The following MED23 variants were observed in gnomAD, a reference collection of about 807,000 sequenced individuals.
MED23 encodes mediator of RNA polymerase II transcription subunit 23.
Under a neutral mutation model 163.9 loss-of-function variants are expected in MED23, and 105 were observed. The observed-to-expected ratio is 0.64, with a 90% confidence interval of 0.55 to 0.75. The LOEUF (loss-of-function observed/expected upper bound fraction) is 0.75. Ranked by LOEUF, MED23 falls within the 30% of genes least tolerant of loss-of-function variation. The pLI, the probability that MED23 is intolerant of heterozygous loss-of-function variation, is 0.00. For missense variants in MED23, 1,054 were observed against 1,649.0 expected (o/e 0.64, Z 6.25); for synonymous variants, 561 against 565.6 (o/e 0.99, Z 0.12).
rs747845803 is a variant in MED23, at chr6:131,581,078, T to G, written c.4095+6631A>C. ...TGCTTTCTCTATTGTTTTAACTAAT[T>G]GGCATCTCCAATTCAGAACCTATCA... On this transcript the variant is annotated intron_variant, in intron 30 of 30. Coordinates refer to the MED23 transcript ENST00000354577. The G allele has an allele frequency of 5.2e-6, 4 of 776,118 alleles. No individual in the cohort carries two copies. The Admixed American group carries it at 6.0e-5, about 12-fold the overall frequency. The allele number at this position is 776,118 out of a possible 1,614,324, so 48.1% of individuals were successfully genotyped here.
chr6:131,582,830 CAT>C, downstream of MED23: 8 of 868,748 alleles, frequency 9.2e-6, no homozygotes, highest in South Asian at 8.2e-5. Context: ...CACACACACA[CAT>C]GCCCACACAC....
At chr6:131,578,323 C>T (rs1773731358) in intron 30 of MED23, among the ~76,000 whole-genome samples, 1 of 152,028 alleles carries the variant, frequency 6.6e-6, no homozygotes, top group Non-Finnish European at 1.5e-5. Context: ...GTTACTAAAT[C>T]AGATTCACAC....
At chr6:131,621,729 G>T in intron 6 of MED23, 152 bp downstream of exon 6, 2 of 476,306 alleles carry the variant, frequency 4.2e-6, no homozygotes, top group South Asian at 4.9e-5. Flanking sequence ...TGAAATATAA[G>T]GGAACTAGCA....
chr6:131,583,287 A>C, downstream of MED23: 1 of 1,610,244 alleles, frequency 6.2e-7, no homozygotes, highest in African/African-American at 1.3e-5. Flanking sequence ...AAACAAGTTA[A>C]CAGATTATTA....
downstream of MED23, chr6:131,583,677 T>C: frequency 6.4e-7 from 1 of 1,568,324 alleles, no homozygotes; most frequent in Non-Finnish European, 8.7e-7. Context: ...CTTTCAAGTC[T>C]GTCTGTACTA....
Position 131,610,244 on chromosome 6 carries a change from G to C in MED23, c.879C>G (p.His293Gln), listed in dbSNP as rs1215581346. 6.2e-7 allele frequency: 1 copy of C among 1,613,678 alleles called. No individual in the cohort carries two copies. The highest frequency in any genetic ancestry group is 1.7e-5 in the Admixed American group (1 of 59,972). Residue 293 changes from histidine (H) to glutamine (Q), a missense_variant and splice_region_variant, in exon 11 of 29, where the codon CAC becomes CAG. His to Gln is a conservative substitution (Grantham distance 24). This residue lies in a region of MED23 where 26 missense variants were observed against 28.4 expected (regional missense o/e 0.92). Coordinates refer to ENST00000368068, the MANE Select transcript of MED23 (RefSeq NM_004830.4). ...CCTCCAGCACAGGGCAGCGCTGCTT[G>C]TGCTGTAGGGCAGAGATTAAATACA... ...VCNMLGLNKQ[H>Q]KQRCPVLEDQ...
intron 15 of MED23, 122 bp from the exon 16 acceptor site, chr6:131,603,326 CAT>C: frequency 1.1e-6 from 1 of 885,632 alleles, no homozygotes; most frequent in East Asian, 2.6e-5. Context: ...CGCCCACACA[CAT>C]ATATATTCTC....
chr6:131,607,807 C>T, intron 12 of MED23, 121 bp downstream of exon 12: 1 of 1,104,894 alleles, frequency 9.1e-7, no homozygotes, highest in Non-Finnish European at 1.3e-6. Context: ...CTACACTTAA[C>T]ATTCAATTGT....
chr6:131,591,583 A>T lies in MED23; in HGVS notation c.3472-56T>A, dbSNP rs984586667. The T allele has an allele frequency of 2.0e-5, 25 of 1,246,410 alleles. No individual in the cohort carries two copies. The Admixed American group carries it at 4.1e-4, about 20-fold the overall frequency. 77.2% of individuals were successfully genotyped at this position (1,246,410 alleles called of 1,614,324 possible). ...TATCACTTATCCAGCATTCCACCCCAAAGTCTAAAGTAATAGTGTTTTCTC... is the reference window on the plus strand; with the variant it reads ...TATCACTTATCCAGCATTCCACCCCTAAGTCTAAAGTAATAGTGTTTTCTC... On this transcript the variant is annotated intron_variant, in intron 25 of 28. Transcript: ENST00000368068.
intron 4 of MED23, 80 bp downstream of exon 4, chr6:131,624,785 T>G: frequency 2.7e-6 from 4 of 1,501,840 alleles, no homozygotes; most frequent in Non-Finnish European, 3.7e-6. Flanking sequence ...TCTTACCTTT[T>G]TACAACAACA....
At chr6:131,624,818 A>G in intron 4 of MED23, 47 bp downstream of exon 4, 2 of 1,608,428 alleles carry the variant, frequency 1.2e-6, no homozygotes, top group Non-Finnish European at 1.7e-6. Context: ...TTCCAATCAC[A>G]TATAGAAAAG....
At chr6:131,627,545 G>A (rs1777602356) in intron 2 of MED23, 62 bp from the exon 3 acceptor site, 2 of 1,586,656 alleles carry the variant, frequency 1.3e-6, no homozygotes, top group Non-Finnish European at 1.7e-6. Flanking sequence ...CACACAATCA[G>A]AATAGTGGAT....
intron 3 of MED23, chr6:131,627,183 T>A: frequency 1.7e-6 from 1 of 578,086 alleles, no homozygotes; most frequent in Non-Finnish European, 3.0e-6. Flanking sequence ...TCTCACACTG[T>A]GCAGTATCAA....
At chr6:131,582,747 A>G, downstream of MED23, 2 of 1,598,408 alleles carry the variant, frequency 1.3e-6, no homozygotes, top group South Asian at 2.2e-5. Context: ...ATTTGCCTCC[A>G]TTTTTGTCCC....
downstream of MED23, among the ~76,000 whole-genome samples, chr6:131,584,816 T>TAC (rs59196638): frequency 0.27 from 36,597 of 133,892 alleles, 4,717 homozygotes; most frequent in South Asian, 0.41. Context: ...CTACAAAAAA[T>TAC]ACACACACAC....
intron 3 of MED23, among the ~76,000 whole-genome samples, chr6:131,625,666 A>G (rs1380352705): frequency 5.9e-5 from 9 of 152,206 alleles, no homozygotes. Flanking sequence ...AGAGGGCCAC[A>G]TCATAATTCA....
At chr6:131,591,566 A>C (rs745817579) in intron 25 of MED23, 39 bp from the exon 26 acceptor site, 14 of 1,434,748 alleles carry the variant, frequency 9.8e-6, no homozygotes, top group Non-Finnish European at 1.4e-5. Context: ...AATATCACTT[A>C]TCCAGCATTC....
chr6:131,609,945 G>A, intron 11 of MED23, 101 bp downstream of exon 11: 1 of 1,152,052 alleles, frequency 8.7e-7, no homozygotes, highest in South Asian at 1.3e-5. Context: ...TTAGGGCTCA[G>A]AACTTCTGTC....
rs1230442947 is a variant in MED23, at chr6:131,598,107, A to G, written c.2607+180T>C. ...CCTGTCTCAAAAAACAAACAAAAAA[A>G]CAAAAACAAACAAAAACAGAAATTG... On this transcript the variant is annotated intron_variant, in intron 20 of 28. Transcript: ENST00000368068. The surrounding 1 kb of genome is among the most constrained non-coding windows in gnomAD (Gnocchi z 4.7). The G allele has an allele frequency of 5.7e-6, 4 of 701,902 alleles. No individual in the cohort carries two copies. Among genetic ancestry groups the G allele is most frequent in the Non-Finnish European group, 9.6e-6 (4 of 414,510 alleles). The allele number at this position is 701,902 out of a possible 1,614,324, so 43.5% of individuals were successfully genotyped here.
Sources: allele counts gnomAD v4.1 joint callset (sites outside exome capture counted in the v4.1 genomes callset), GRCh38; gene constraint gnomAD v4.1.1; regional missense constraint gnomAD v4.1.1; non-coding constraint Gnocchi (gnomAD v3.1); transcripts MANE v1.5; gene names NCBI Gene and HGNC (gene_info 2026-07-23, HGNC 2026-07-21).